Variants in MALRD1 observed in about 807,000 individuals in gnomAD.
The protein encoded by MALRD1 is MAM and LDL receptor class A domain containing 1.
Under a neutral mutation model 242.1 loss-of-function variants are expected in MALRD1, and 247 were observed. That is an observed-to-expected ratio of 1.02 (90% CI 0.92 to 1.13). The LOEUF is 1.13. Ranked by LOEUF, MALRD1 falls within the 50% of genes most tolerant of loss-of-function variation. MALRD1 has a pLI of 0.00. For synonymous variants in MALRD1, 995 were observed against 866.6 expected (o/e 1.15, Z -2.60); for missense variants, 2,989 against 2,533.1 (o/e 1.18, Z -3.86).
At position 19,471,612 on chromosome 10, in the gene MALRD1, ATT is replaced by A. The variant is rs34751709; in HGVS notation, c.5030-19890_5030-19889del. ...TGTCCCTTTTCCTATTTTTCTCAGG[ATT>A]TTTTTTTTTTTTTTACTTTTCAGTA... On this transcript the variant is annotated intron_variant, in intron 29 of 39. Transcript: ENST00000454679. 7.2e-3 allele frequency among the ~76,000 whole-genome samples: 919 copies of A among 127,214 alleles called. 3 individuals are homozygous for A. Among genetic ancestry groups the A allele is most frequent in the South Asian group, 0.017 (67 of 3,944 alleles). 83.5% of individuals were successfully genotyped at this position (127,214 alleles called of 152,430 possible).
chr10:19,461,294 T>C (rs1318053354), intron 29 of MALRD1, among the ~76,000 whole-genome samples: 1 of 151,998 alleles, frequency 6.6e-6, no homozygotes, highest in Admixed American at 6.6e-5. Flanking sequence ...AAATGAAGAG[T>C]TTAAAATCGT....
intron 28 of MALRD1, among the ~76,000 whole-genome samples, chr10:19,443,106 A>T (rs1834763903): frequency 6.6e-6 from 1 of 152,160 alleles, no homozygotes; most frequent in African/African-American, 2.4e-5. Context: ...TTATTTGCAT[A>T]GAGGTGTTTA....
intron 28 of MALRD1, among the ~76,000 whole-genome samples, chr10:19,394,710 C>T (rs1846501515): frequency 6.6e-6 from 1 of 152,114 alleles, no homozygotes. Context: ...TCCAAAAATC[C>T]AAAATTTGAA....
chr10:19,430,111 C>CCTTTTTTTTTT (rs1285347677), intron 28 of MALRD1, among the ~76,000 whole-genome samples: 2 of 83,526 alleles, frequency 2.4e-5, no homozygotes, highest in African/African-American at 9.8e-5. Flanking sequence ...CTCCATTTTC[C>CCTTTTTTTTTT]TTTTTTTTTT....
intron 1 of MALRD1, among the ~76,000 whole-genome samples, chr10:19,057,175 G>C (rs919031554): frequency 2.6e-5 from 4 of 152,096 alleles, no homozygotes; most frequent in African/African-American, 9.7e-5. Flanking sequence ...TCAAGGTAAC[G>C]CTGGTCTCAT....
intron 31 of MALRD1, among the ~76,000 whole-genome samples, chr10:19,502,835 T>C (rs1242509713): frequency 3.3e-5 from 5 of 152,162 alleles, no homozygotes; most frequent in African/African-American, 1.2e-4. Context: ...AAGATTAAAG[T>C]ATAGTCAATA....
chr10:19,175,969 G>C (rs1282801509), intron 14 of MALRD1, among the ~76,000 whole-genome samples: 1 of 151,994 alleles, frequency 6.6e-6, no homozygotes, highest in Non-Finnish European at 1.5e-5. Context: ...TAGATTCTGG[G>C]ATCATGTACA....
intron 36 of MALRD1, among the ~76,000 whole-genome samples, chr10:19,667,056 T>C (rs1476491872): frequency 6.6e-6 from 1 of 152,140 alleles, no homozygotes; most frequent in Non-Finnish European, 1.5e-5. Context: ...CTTGCTACCC[T>C]GTAAGGATTC....
rs181556962 is a variant in MALRD1 at position 19,501,379 on chromosome 10, G to A, written c.5320+2733G>A. ...CAAAATATCTTTAGAAATTGCCCCT[G>A]TTGAGAACCCAGAGAAACAGCCTGG... On this transcript the variant is annotated intron_variant, in intron 31 of 39. Transcript: ENST00000454679. 2.8e-3 allele frequency among the ~76,000 whole-genome samples: 424 copies of A among 152,242 alleles called. 3 individuals are homozygous for A. Among genetic ancestry groups the A allele is most frequent in the Non-Finnish European group, 2.6e-3 (175 of 68,012 alleles).
intron 36 of MALRD1, among the ~76,000 whole-genome samples, chr10:19,645,171 G>A (rs533296824): frequency 3.3e-5 from 5 of 152,058 alleles, no homozygotes; most frequent in South Asian, 2.1e-4. Context: ...AATCAAAACC[G>A]CAATGAGATA....
chr10:19,131,401 T>C (rs1833099294), intron 8 of MALRD1, among the ~76,000 whole-genome samples: 1 of 152,134 alleles, frequency 6.6e-6, no homozygotes, highest in Non-Finnish European at 1.5e-5. Flanking sequence ...AAAAGTTCAC[T>C]CTTTAGAATC....
At chr10:19,139,026 G>A (rs537194873) in intron 10 of MALRD1, among the ~76,000 whole-genome samples, 3 of 152,106 alleles carry the variant, frequency 2.0e-5, no homozygotes, top group Non-Finnish European at 2.9e-5. Flanking sequence ...AACCTGTCAT[G>A]TTTGCATGAT....
chr10:19,163,375 A>C (rs1000711070), intron 12 of MALRD1, among the ~76,000 whole-genome samples: 1 of 151,990 alleles, frequency 6.6e-6, no homozygotes, highest in Non-Finnish European at 1.5e-5. Context: ...GCTGGAGGCC[A>C]TTATCCTTAG....
chr10:19,498,747 G>C, intron 31 of MALRD1, 101 bp downstream of exon 31: 3 of 1,334,916 alleles, frequency 2.2e-6, no homozygotes, highest in Non-Finnish European at 3.0e-6. Flanking sequence ...TGTGTATGTG[G>C]GGACAGAGCT....
intron 36 of MALRD1, among the ~76,000 whole-genome samples, chr10:19,622,302 T>C (rs1334304709): frequency 6.6e-6 from 1 of 151,746 alleles, no homozygotes; most frequent in Non-Finnish European, 1.5e-5. Flanking sequence ...ATAAAATTAG[T>C]ATTCTTAGAT....
intron 35 of MALRD1, among the ~76,000 whole-genome samples, chr10:19,612,324 C>T (rs1206238512): frequency 6.6e-6 from 1 of 151,894 alleles, no homozygotes; most frequent in East Asian, 1.9e-4. Flanking sequence ...GAGCTCCTTA[C>T]TCTCATCTTT....
At chr10:19,263,516 T>C (rs1160371812) in intron 19 of MALRD1, among the ~76,000 whole-genome samples, 1 of 152,166 alleles carries the variant, frequency 6.6e-6, no homozygotes, top group African/African-American at 2.4e-5. Context: ...TGTTTGTTTT[T>C]GCTGTTGAGT....
At chr10:19,306,113 A>G (rs1842176930) in intron 21 of MALRD1, among the ~76,000 whole-genome samples, 1 of 111,814 alleles carries the variant, frequency 8.9e-6, no homozygotes, top group Non-Finnish European at 1.7e-5. Flanking sequence ...TAGTATATAT[A>G]TACTATCTAG....
intron 31 of MALRD1, among the ~76,000 whole-genome samples, chr10:19,517,231 A>G (rs1833676276): frequency 6.6e-6 from 1 of 152,136 alleles, no homozygotes; most frequent in Non-Finnish European, 1.5e-5. Flanking sequence ...CTGGTTGGTT[A>G]TTGTCCTGGG....
Sources: gnomAD v4.1 joint callset for allele counts (sites outside exome capture counted in the v4.1 genomes callset) on GRCh38, gnomAD v4.1.1 for gene constraint, MANE v1.5 for transcripts, NCBI Gene and HGNC (gene_info 2026-07-23, HGNC 2026-07-21) for gene names.